CDKN1A: variants seen among roughly 807,000 people sequenced by gnomAD.
CDKN1A encodes the protein cyclin-dependent kinase inhibitor 1.
A neutral mutation model predicts 14.8 loss-of-function variants in CDKN1A; 14 were observed. That is an observed-to-expected ratio of 0.94 (90% CI 0.62 to 1.48). CDKN1A has a LOEUF of 1.48. Among genes scored for constraint, CDKN1A ranks in the 40% most tolerant of loss-of-function variants. The pLI is 0.00. For synonymous variants in CDKN1A, 92 were observed against 93.5 expected, an observed-to-expected ratio of 0.98 and a Z score of 0.09; for missense variants, 203 against 231.7, an observed-to-expected ratio of 0.88 and a Z score of 0.80.
At position 36,678,746 on chromosome 6, in the gene CDKN1A, GTGGAGCCGGAGC is replaced by G; in HGVS notation, c.-54_-43del. ...GAGCAGCTGCCGAAGTCAGTTCCTTGTGGAGCCGGAGCTGGGCGCGGATTCGCCGAGGCACCG... is the reference window on the plus strand; with the variant it reads ...GAGCAGCTGCCGAAGTCAGTTCCTTGTGGGCGCGGATTCGCCGAGGCACCG... On this transcript the variant is annotated 5_prime_UTR_variant, in exon 1 of 3. Transcript: ENST00000244741. The surrounding 1 kb of genome is among the most constrained non-coding windows in gnomAD (Gnocchi z 5.7). The G allele has an allele frequency of 1.0e-6, 1 of 985,650 alleles. No homozygotes were observed. The highest frequency in any genetic ancestry group is 1.2e-6 in the Non-Finnish European group (1 of 830,090). 61.1% of individuals were successfully genotyped at this position (985,650 alleles called of 1,614,324 possible).
At chr6:36,681,159 C>A (rs1231857815) in intron 1 of CDKN1A, among the ~76,000 whole-genome samples, 2 of 152,180 alleles carry the variant, frequency 1.3e-5, no homozygotes, top group East Asian at 3.8e-4. Context: ...GAGTGCCCAT[C>A]TGAGGAATTG....
At chr6:36,680,307 CGTGTGTGTGTGTGTGTGTGTGTGTGT>C (rs59454180) in intron 1 of CDKN1A, among the ~76,000 whole-genome samples, 1 of 133,188 alleles carries the variant, frequency 7.5e-6, no homozygotes, top group African/African-American at 2.9e-5. Flanking sequence ...TCTGCGCGGG[CGTGTGTGTGTGTGTGTGTGTGTGTGT>C]GTGTGTGTGT....
chr6:36,682,969 G>T (rs1474421141), intron 1 of CDKN1A, among the ~76,000 whole-genome samples: 1 of 152,140 alleles, frequency 6.6e-6, no homozygotes, highest in African/African-American at 2.4e-5. Flanking sequence ...TGCCCCGCCC[G>T]GCCCCTCCTT....
rs775553986 is a variant in CDKN1A at position 36,684,227 on chromosome 6, C to T, written c.126C>T (p.Ile42=). ...GTGATGCGCTAATGGCGGGCTGCAT[C>T]CAGGAGGCCCGTGAGCGATGGAACT... ...RDCDALMAGC[I]QEARERWNFD... is the part of the protein sequence containing the mutation. Residue 42 remains isoleucine (I), a synonymous_variant, in exon 2 of 3, where the codon ATC becomes ATT. Transcript: ENST00000244741. This position sits in a 1 kb window ranked among gnomAD's most constrained non-coding sequence, Gnocchi z 6.0. 4.3e-6 allele frequency: 7 copies of T among 1,612,030 alleles called. No individual in the cohort carries two copies. The highest frequency in any genetic ancestry group is 4.2e-6 in the Non-Finnish European group (5 of 1,179,982).
chr6:36,685,153 T>G (rs1462716474), intron 2 of CDKN1A, among the ~76,000 whole-genome samples: 1 of 152,164 alleles, frequency 6.6e-6, no homozygotes, highest in Non-Finnish European at 1.5e-5. Context: ...TGCCATCCTT[T>G]TAGGGCAAGG....
intron 1 of CDKN1A, among the ~76,000 whole-genome samples, chr6:36,681,297 T>TTTCTTTCC (rs1761949590): frequency 8.4e-6 from 1 of 118,680 alleles, no homozygotes; most frequent in Non-Finnish European, 1.8e-5. Flanking sequence ...TCTTTCTTTC[T>TTTCTTTCC]TTCTTTCTTT....
At chr6:36,680,590 G>C (rs1411066724) in intron 1 of CDKN1A, 1 of 152,076 alleles carries the variant, frequency 6.6e-6, no homozygotes, top group Non-Finnish European at 1.5e-5. Context: ...CTCCCACTCC[G>C]CGCGTGATTT....
chr6:36,686,124 T>G lies in CDKN1A; in HGVS notation c.*324T>G. 1 of 471,368 alleles carries G rather than the reference T, an allele frequency of 2.1e-6. No individual in the cohort carries two copies. The highest frequency in any genetic ancestry group is 3.8e-5 in the East Asian group (1 of 26,078). 29.2% of individuals were successfully genotyped at this position (471,368 alleles called of 1,614,324 possible). On this transcript the variant is annotated 3_prime_UTR_variant, in exon 3 of 3. Coordinates refer to ENST00000244741, the MANE Select transcript of CDKN1A (RefSeq NM_000389.5). This position sits in a 1 kb window ranked among gnomAD's most constrained non-coding sequence, Gnocchi z 4.9. The stretch of plus-strand genomic sequence containing the variant: ...GGTGGGCCGGCTTCATGCCAGCTAC[T>G]TCCTCCTCCCCACTTGTCCGCTGGG...
upstream of CDKN1A, chr6:36,678,110 G>C: frequency 5.4e-6 from 2 of 373,354 alleles, no homozygotes; most frequent in Non-Finnish European, 1.0e-5. This position sits in a 1 kb window ranked among gnomAD's most constrained non-coding sequence, Gnocchi z 5.7. Flanking sequence ...TGAAATAAAC[G>C]GGACTGAAAA....
At chr6:36,681,719 A>T (rs1762018813) in intron 1 of CDKN1A, among the ~76,000 whole-genome samples, 1 of 149,544 alleles carries the variant, frequency 6.7e-6, no homozygotes, top group Admixed American at 6.7e-5. Context: ...CAGCCTCCCG[A>T]GTAGCTGGGA....
Position 36,685,739 on chromosome 6 carries a change from G to A in CDKN1A, c.446-12G>A, listed in dbSNP as rs771172537. The A allele has an allele frequency of 6.2e-7, 1 of 1,614,052 alleles. No individual in the cohort carries two copies. The highest frequency in any genetic ancestry group is 8.5e-7 in the Non-Finnish European group (1 of 1,179,962). On this transcript the variant is annotated splice_polypyrimidine_tract_variant and intron_variant, in intron 2 of 2. Transcript: ENST00000244741. ...CTTCTTGGCCTGGCTGACTTCTGCTGTCTCTCCTCAGATTTCTACCACTCC... is the reference window on the plus strand; with the variant it reads ...CTTCTTGGCCTGGCTGACTTCTGCTATCTCTCCTCAGATTTCTACCACTCC...
chr6:36,679,630 C>G (rs1003812573), intron 1 of CDKN1A, among the ~76,000 whole-genome samples: 2 of 152,218 alleles, frequency 1.3e-5, no homozygotes, highest in African/African-American at 4.8e-5. Context: ...TCCGGGACAC[C>G]GCGTCGGGTC....
At chr6:36,683,170 G>A (rs1339138394) in intron 1 of CDKN1A, among the ~76,000 whole-genome samples, 2 of 152,210 alleles carry the variant, frequency 1.3e-5, no homozygotes, top group African/African-American at 2.4e-5. Flanking sequence ...CTGCTGGCAC[G>A]TTACCTACAT....
chr6:36,677,901 G>A, upstream of CDKN1A: 1 of 1,362,244 alleles, frequency 7.3e-7, no homozygotes. Flanking sequence ...GGCCAACAAA[G>A]CTGCTGCAAC....
Position 36,686,563 on chromosome 6 carries a change from C to G in CDKN1A, c.*763C>G. ...CTCCCCTGTACCTTTTGAGGAGCCC[C>G]AGCTACCCTTTTTCTCCAGCTGGGC... On this transcript the variant is annotated 3_prime_UTR_variant, in exon 3 of 3. Coordinates refer to ENST00000244741, the MANE Select transcript of CDKN1A (RefSeq NM_000389.5). The surrounding 1 kb of genome is among the most constrained non-coding windows in gnomAD (Gnocchi z 4.9). 1 of 234,026 alleles carries G rather than the reference C, an allele frequency of 4.3e-6. No individual in the cohort carries two copies. The highest frequency in any genetic ancestry group is 8.4e-6 in the Non-Finnish European group (1 of 118,360). The allele number at this position is 234,026 out of a possible 1,614,324, so 14.5% of individuals were successfully genotyped here. A position where few individuals can be genotyped will look rare whatever the true frequency, so the allele number is the denominator to read the frequency against.
chr6:36,678,576 G>A, upstream of CDKN1A: 1 of 817,580 alleles, frequency 1.2e-6, no homozygotes, highest in Non-Finnish European at 1.5e-6. This position sits in a 1 kb window ranked among gnomAD's most constrained non-coding sequence, Gnocchi z 5.7. Context: ...CAGCTGGCTC[G>A]GCGCTGGGCA....
At chr6:36,681,334 T>TCCTTCCTTC (rs1554185368) in intron 1 of CDKN1A, among the ~76,000 whole-genome samples, 1 of 86,058 alleles carries the variant, frequency 1.2e-5, no homozygotes, top group African/African-American at 4.3e-5. Context: ...CTTTCTTTCT[T>TCCTTCCTTC]TTTCTTTCTT....
upstream of CDKN1A, chr6:36,678,141 C>T (rs902150240): frequency 1.9e-5 from 7 of 365,990 alleles, no homozygotes; most frequent in East Asian, 2.5e-4. This position sits in a 1 kb window ranked among gnomAD's most constrained non-coding sequence, Gnocchi z 5.7. Context: ...CCTCAAGATG[C>T]TTTGTTGGGG....
intron 1 of CDKN1A, among the ~76,000 whole-genome samples, chr6:36,681,280 T>TTTC (rs1308733953): frequency 0.07 from 7,857 of 111,568 alleles, 699 homozygotes; most frequent in Non-Finnish European, 0.083. Flanking sequence ...TTCTTTCTTT[T>TTTC]TTTCTTTCTT....
Sources: allele counts gnomAD v4.1 joint callset (sites outside exome capture counted in the v4.1 genomes callset), GRCh38; gene constraint gnomAD v4.1.1; non-coding constraint Gnocchi (gnomAD v3.1); transcripts MANE v1.5; gene names NCBI Gene and HGNC (gene_info 2026-07-23, HGNC 2026-07-21).